PCDHGA2: variants seen among roughly 807,000 people sequenced by gnomAD.
The protein encoded by PCDHGA2 is protocadherin gamma subfamily A, 2.
A neutral mutation model predicts 59.2 loss-of-function variants in PCDHGA2; 40 were observed. The observed-to-expected ratio is 0.68, with a 90% CI of 0.52 to 0.88. PCDHGA2 has a LOEUF of 0.88. PCDHGA2 is among the 40% of genes least tolerant of loss of function. The probability of loss-of-function intolerance (pLI) is 0.00; values close to 1 mark genes in which losing one functional copy is unlikely to be tolerated. For missense variants in PCDHGA2, 1,226 were observed against 1,204.0 expected, an observed-to-expected ratio of 1.02 and a Z score of -0.27; for synonymous variants, 560 against 526.0, an observed-to-expected ratio of 1.06 and a Z score of -0.89.
intron 1 of PCDHGA2, chr5:141,365,077 G>A: frequency 6.2e-7 from 1 of 1,613,842 alleles, no homozygotes; most frequent in African/African-American, 1.3e-5. Context: ...AGTACAGCGT[G>A]AGTGTTCCAG....
chr5:141,422,310 T>A, intron 1 of PCDHGA2: 1 of 1,546,532 alleles, frequency 6.5e-7, no homozygotes, highest in Non-Finnish European at 8.7e-7. Flanking sequence ...TGGAAAACTC[T>A]CCTCCAGGTA....
intron 1 of PCDHGA2, chr5:141,351,020 T>TG: frequency 6.2e-7 from 1 of 1,614,036 alleles, no homozygotes; most frequent in Non-Finnish European, 8.5e-7. Flanking sequence ...AAACGTACCG[T>TG]GGGGAACCTC....
intron 1 of PCDHGA2, among the ~76,000 whole-genome samples, chr5:141,358,502 A>AT (rs1378109412): frequency 1.3e-5 from 2 of 152,160 alleles, no homozygotes; most frequent in African/African-American, 4.8e-5. Context: ...TTAACAGGAT[A>AT]TTTTCTCAAT....
intron 1 of PCDHGA2, chr5:141,351,279 C>T (rs999735053): frequency 3.1e-6 from 5 of 1,613,472 alleles, no homozygotes; most frequent in African/African-American, 1.3e-5. Context: ...AATGACAATG[C>T]CCCAGAGGTG....
intron 1 of PCDHGA2, chr5:141,385,071 G>T (rs1325191501): frequency 6.2e-7 from 1 of 1,614,088 alleles, no homozygotes; most frequent in Non-Finnish European, 8.5e-7. Flanking sequence ...AGTCACGCCT[G>T]CTGCAGGCTT....
intron 1 of PCDHGA2, chr5:141,398,169 G>T (rs2093619628): frequency 5.4e-6 from 8 of 1,477,440 alleles, no homozygotes; most frequent in Admixed American, 2.6e-5. Flanking sequence ...CTGAGAGGCT[G>T]CCAGTGCTCT....
At chr5:141,386,815 T>G (rs1043016890) in intron 1 of PCDHGA2, among the ~76,000 whole-genome samples, 22 of 152,220 alleles carry the variant, frequency 1.4e-4, no homozygotes, top group African/African-American at 4.8e-4. Context: ...TGCATAAAAT[T>G]GTTTTTAAGC....
intron 1 of PCDHGA2, among the ~76,000 whole-genome samples, chr5:141,401,205 G>C (rs1479820661): frequency 6.6e-6 from 1 of 152,118 alleles, no homozygotes; most frequent in African/African-American, 2.4e-5. Context: ...AGCTGGGTGT[G>C]GTGGCGGGCG....
chr5:141,486,707 C>A lies in PCDHGA2; in HGVS notation c.2425-8100C>A, dbSNP rs1314530265. On this transcript the variant is annotated intron_variant, in intron 1 of 3. Coordinates refer to ENST00000394576, the MANE Select transcript of PCDHGA2 (RefSeq NM_018915.4). The surrounding 1 kb of genome is among the most constrained non-coding windows in gnomAD (Gnocchi z 5.0). ...AGCTTCCTCTTTCATCTCTCTGAAC[C>A]CCCAGACAGGAGCTGTTCATGCTAC... 2 of 1,614,040 alleles carry A rather than the reference C, an allele frequency of 1.2e-6. No individual in the cohort carries two copies. The highest frequency in any genetic ancestry group is 1.7e-6 in the Non-Finnish European group (2 of 1,180,038).
chr5:141,393,115 G>C (rs1342924521), intron 1 of PCDHGA2: 42 of 1,613,320 alleles, frequency 2.6e-5, no homozygotes, highest in Non-Finnish European at 3.6e-5. Context: ...CAGAGCCCGC[G>C]GTGTCTGATA....
rs551129846 is a variant in PCDHGA2, at chr5:141,432,711, A to T, written c.2425-62096A>T. 5 of 1,613,944 alleles carry T rather than the reference A, an allele frequency of 3.1e-6. No individual in the cohort carries two copies. The Admixed American group carries it at 8.3e-5, about 27-fold the overall frequency. ...GTAGTGGCCGTCCAGGACCACGGCCAGCCCCCTCTCTCCGCCACTGTCACG... is the reference window on the plus strand; with the variant it reads ...GTAGTGGCCGTCCAGGACCACGGCCTGCCCCCTCTCTCCGCCACTGTCACG... On this transcript the variant is annotated intron_variant, in intron 1 of 3. Transcript: ENST00000394576. This position sits in a 1 kb window ranked among gnomAD's most constrained non-coding sequence, Gnocchi z 6.0.
At chr5:141,480,703 C>G (rs577131684) in intron 1 of PCDHGA2, among the ~76,000 whole-genome samples, 1 of 152,134 alleles carries the variant, frequency 6.6e-6, no homozygotes, top group African/African-American at 2.4e-5. Context: ...GGCCACACCC[C>G]GACAAATGAA....
At chr5:141,433,383 CT>C (rs2097595660) in intron 1 of PCDHGA2, among the ~76,000 whole-genome samples, 1 of 151,456 alleles carries the variant, frequency 6.6e-6, no homozygotes, top group Non-Finnish European at 1.5e-5. Context: ...ATCTATCTAT[CT>C]ATCTATCTAT....
In PCDHGA2 at chr5:141,432,285, C is replaced by A; in HGVS notation, c.2425-62522C>A. On this transcript the variant is annotated intron_variant, in intron 1 of 3. Transcript: ENST00000394576. The surrounding 1 kb of genome is among the most constrained non-coding windows in gnomAD (Gnocchi z 6.0). ...CTATCGTCCTACGTGTCCATCAACTCCGACACTGGGGTACTGTATGCGCTG... is the reference window on the plus strand; with the variant it reads ...CTATCGTCCTACGTGTCCATCAACTACGACACTGGGGTACTGTATGCGCTG... The A allele has an allele frequency of 6.2e-7, 1 of 1,614,262 alleles. No homozygotes were observed. The highest frequency in any genetic ancestry group is 8.5e-7 in the Non-Finnish European group (1 of 1,180,052).
chr5:141,505,302 G>GTAC, intron 2 of PCDHGA2, 91 bp from the exon 3 acceptor site: 5 of 1,592,714 alleles, frequency 3.1e-6, no homozygotes, highest in Non-Finnish European at 4.3e-6. Context: ...TAGGGTTAGG[G>GTAC]TACTAGGTTT....
chr5:141,399,109 A>G (rs1346301996), intron 1 of PCDHGA2: 4 of 1,613,714 alleles, frequency 2.5e-6, no homozygotes, highest in Admixed American at 3.3e-5. Context: ...TGCACAATGT[A>G]CAGTTGAAAT....
intron 1 of PCDHGA2, chr5:141,395,450 C>A: frequency 1.6e-6 from 1 of 643,034 alleles, no homozygotes; most frequent in Non-Finnish European, 2.5e-6. Flanking sequence ...AAAGATTGTT[C>A]AACCATTTTA....
chr5:141,375,059 G>C, intron 1 of PCDHGA2: 1 of 1,614,038 alleles, frequency 6.2e-7, no homozygotes, highest in Non-Finnish European at 8.5e-7. Flanking sequence ...GGATGGGCCA[G>C]GTCTTCGAGA....
Position 141,410,123 on chromosome 5 carries a change from C to T in PCDHGA2, c.2424+68728C>T. ...AGGCGACAGGGACGCAGCCCGCCAG[C>T]GCCTGCTGGTCGCTGTGCGTGACGG... On this transcript the variant is annotated intron_variant, in intron 1 of 3. Coordinates refer to ENST00000394576, the MANE Select transcript of PCDHGA2 (RefSeq NM_018915.4). The T allele has an allele frequency of 1.2e-6, 2 of 1,612,780 alleles. No individual in the cohort carries two copies. The highest frequency in any genetic ancestry group is 1.7e-6 in the Non-Finnish European group (2 of 1,179,646).
Sources: gnomAD v4.1 joint callset for allele counts (sites outside exome capture counted in the v4.1 genomes callset) on GRCh38, gnomAD v4.1.1 for gene constraint, Gnocchi (gnomAD v3.1) non-coding constraint, MANE v1.5 for transcripts, NCBI Gene and HGNC (gene_info 2026-07-23, HGNC 2026-07-21) for gene names.